Variants in LPP observed in about 807,000 individuals in gnomAD.
LPP encodes the protein lipoma-preferred partner.
Under a neutral mutation model 60.4 loss-of-function variants are expected in LPP, and 38 were observed. The observed-to-expected ratio is 0.63, with a 90% CI of 0.49 to 0.83. LPP has a LOEUF of 0.83. LPP is among the 40% of genes least tolerant of loss of function. The probability of loss-of-function intolerance (pLI) is 0.00; values close to 1 mark genes in which losing one functional copy is unlikely to be tolerated. For synonymous variants in LPP, 328 were observed against 290.8 expected, an observed-to-expected ratio of 1.13 and a Z score of -1.30; for missense variants, 902 against 783.6, an observed-to-expected ratio of 1.15 and a Z score of -1.80.
intron 5 of LPP, among the ~76,000 whole-genome samples, chr3:188,495,450 T>TA (rs1809912416): frequency 6.6e-6 from 1 of 151,890 alleles, no homozygotes; most frequent in Non-Finnish European, 1.5e-5. Context: ...TTAGATCTCA[T>TA]AATTGTCATG....
At chr3:188,168,711 G>T (rs1720724815) in intron 1 of LPP, among the ~76,000 whole-genome samples, 1 of 152,072 alleles carries the variant, frequency 6.6e-6, no homozygotes, top group Non-Finnish European at 1.5e-5. Flanking sequence ...GTTATCTTCA[G>T]GTAATAAAAA....
chr3:188,230,367 A>C (rs1719442868), intron 2 of LPP, among the ~76,000 whole-genome samples: 1 of 152,176 alleles, frequency 6.6e-6, no homozygotes, highest in East Asian at 1.9e-4. Flanking sequence ...TACAAGAAAC[A>C]TATTATTTAT....
chr3:188,837,012 G>A (rs1577886080), intron 9 of LPP, among the ~76,000 whole-genome samples: 1 of 152,168 alleles, frequency 6.6e-6, no homozygotes, highest in Admixed American at 6.5e-5. Flanking sequence ...AAGATATTGT[G>A]TGTATATTCA....
At position 188,168,404 on chromosome 3, in the gene LPP, A is replaced by G. The variant is rs344943; in HGVS notation, c.-190+14152A>G. Among the ~76,000 whole-genome samples the G allele has an allele frequency of 7.7e-3, 1,169 of 152,340 alleles. 12 individuals carry two copies. The highest frequency in any genetic ancestry group is 0.026 in the African/African-American group (1,096 of 41,566). ...AAATTTCAGTATTGTGATGTTAAAGAACATCTCTAAACTGTGTCTACGTTG... is the reference window on the plus strand; with the variant it reads ...AAATTTCAGTATTGTGATGTTAAAGGACATCTCTAAACTGTGTCTACGTTG... On this transcript the variant is annotated intron_variant, in intron 1 of 11. Transcript: ENST00000617246.
intron 1 of LPP, among the ~76,000 whole-genome samples, chr3:188,185,508 A>G (rs1201119371): frequency 6.6e-6 from 1 of 151,394 alleles, no homozygotes; most frequent in Non-Finnish European, 1.5e-5. Context: ...TTCCCCCTAT[A>G]TACCCCACAG....
chr3:188,622,382 A>G (rs1372542368), intron 7 of LPP, among the ~76,000 whole-genome samples: 2 of 152,152 alleles, frequency 1.3e-5, no homozygotes, highest in Non-Finnish European at 2.9e-5. Flanking sequence ...AGGACTTTTT[A>G]CGTAGCACAT....
At chr3:188,231,481 A>G (rs1719932395) in intron 2 of LPP, among the ~76,000 whole-genome samples, 1 of 152,220 alleles carries the variant, frequency 6.6e-6, no homozygotes, top group African/African-American at 2.4e-5. Flanking sequence ...GAAGAAAAAC[A>G]CAAGTTTTCA....
At chr3:188,476,477 A>C (rs1363291670) in intron 4 of LPP, among the ~76,000 whole-genome samples, 1 of 152,208 alleles carries the variant, frequency 6.6e-6, no homozygotes, top group African/African-American at 2.4e-5. Context: ...TAATTTATTA[A>C]AAGTGATATT....
At chr3:188,203,689 C>G (rs1273230820) in intron 1 of LPP, among the ~76,000 whole-genome samples, 1 of 143,764 alleles carries the variant, frequency 7.0e-6, no homozygotes, top group African/African-American at 2.6e-5. Context: ...CTATGTTGCC[C>G]AGGCTGGTCT....
At chr3:188,704,867 A>G (rs1036729963) in intron 7 of LPP, among the ~76,000 whole-genome samples, 24 of 151,854 alleles carry the variant, frequency 1.6e-4, no homozygotes, top group Non-Finnish European at 7.4e-5. Flanking sequence ...CTCACCGAGA[A>G]GCCCTAAACA....
At chr3:188,158,002 A>G (rs903006177) in intron 1 of LPP, among the ~76,000 whole-genome samples, 2 of 152,162 alleles carry the variant, frequency 1.3e-5, no homozygotes, top group Non-Finnish European at 2.9e-5. Flanking sequence ...TTACTTTTTA[A>G]TAAGTAAGGT....
Position 188,256,959 on chromosome 3 carries a change from G to A in LPP, c.-67+31432G>A, listed in dbSNP as rs927269422. On this transcript the variant is annotated intron_variant, in intron 2 of 11. Coordinates refer to ENST00000617246, the MANE Select transcript of LPP (RefSeq NM_001375462.1). ...AGATTGTTTCCATGGTCACCATCCA[G>A]AAATTTCCCAGTAATCCTTGAGGAA... is the stretch of plus-strand genomic sequence containing the variant. 1.3e-5 allele frequency among the ~76,000 whole-genome samples: 2 copies of A among 152,190 alleles called. 1 individual carries two copies. Among genetic ancestry groups the A allele is most frequent in the Non-Finnish European group, 2.9e-5 (2 of 68,032 alleles).
At chr3:188,597,234 G>A (rs1388551786) in intron 6 of LPP, among the ~76,000 whole-genome samples, 1 of 152,090 alleles carries the variant, frequency 6.6e-6, no homozygotes, top group Non-Finnish European at 1.5e-5. Context: ...AGTTATGTGA[G>A]GAATACTGTA....
chr3:188,230,418 C>T (rs867613576), intron 2 of LPP, among the ~76,000 whole-genome samples: 6 of 152,086 alleles, frequency 3.9e-5, no homozygotes, highest in South Asian at 4.1e-4. Flanking sequence ...TCAGGCCTTA[C>T]GCTGAGTGCT....
rs61574227 is a variant in LPP, at chr3:188,687,775, C to CTT, written c.1114-20476_1114-20475dup. On this transcript the variant is annotated intron_variant, in intron 7 of 11. Transcript: ENST00000617246. ...CCTGTCTAACCAGCTGTCTTATACT[C>CTT]TTTTTTTTTTTTTTTTTGAGATGAA... 1.9e-3 allele frequency among the ~76,000 whole-genome samples: 242 copies of CTT among 127,126 alleles called. 5 individuals are homozygous for CTT. The highest frequency in any genetic ancestry group is 3.5e-3 in the Admixed American group (42 of 11,940). 83.4% of individuals were successfully genotyped at this position (127,126 alleles called of 152,430 possible).
intron 2 of LPP, among the ~76,000 whole-genome samples, chr3:188,233,058 T>G (rs776145558): frequency 3.3e-5 from 5 of 152,190 alleles, no homozygotes; most frequent in Non-Finnish European, 7.3e-5. Flanking sequence ...GTTTACACTG[T>G]CCCCTTGGAT....
At chr3:188,530,419 T>C (rs989438138) in intron 6 of LPP, among the ~76,000 whole-genome samples, 4 of 152,238 alleles carry the variant, frequency 2.6e-5, no homozygotes, top group African/African-American at 9.6e-5. Context: ...GAAGAACAGA[T>C]GTGAAAAGTT....
intron 4 of LPP, among the ~76,000 whole-genome samples, chr3:188,441,594 T>TTTTTCTTTTCTTTTC (rs1231613346): frequency 1.5e-5 from 2 of 135,828 alleles, no homozygotes; most frequent in African/African-American, 6.3e-5. Context: ...ACAGTTTCTT[T>TTTTTCTTTTCTTTTC]TTTTCTTTTC....
intron 1 of LPP, among the ~76,000 whole-genome samples, chr3:188,159,473 A>T (rs73887368): frequency 0.096 from 14,622 of 152,220 alleles, 1,012 homozygotes; most frequent in East Asian, 0.32. Flanking sequence ...TTCATCTTAC[A>T]TATTTGTGTG....
Sources: gnomAD v4.1 joint callset for allele counts (sites outside exome capture counted in the v4.1 genomes callset) on GRCh38, gnomAD v4.1.1 for gene constraint, MANE v1.5 for transcripts, NCBI Gene and HGNC (gene_info 2026-07-23, HGNC 2026-07-21) for gene names.